The following PTPRN2 variants were observed in gnomAD, a reference collection of about 807,000 sequenced individuals.
The protein encoded by PTPRN2 is protein tyrosine phosphatase receptor type N2.
Under a neutral mutation model 118.8 loss-of-function variants are expected in PTPRN2, and 74 were observed. The observed-to-expected ratio is 0.62, with a 90% confidence interval of 0.52 to 0.76. The LOEUF (loss-of-function observed/expected upper bound fraction) is 0.76, where lower values mean the gene tolerates loss of function less well. PTPRN2 is among the 30% of genes least tolerant of loss of function. The pLI is 0.00. For synonymous variants in PTPRN2, 641 were observed against 608.0 expected, an observed-to-expected ratio of 1.05 and a Z score of -0.80; for missense variants, 1,481 against 1,394.4, an observed-to-expected ratio of 1.06 and a Z score of -0.99.
intron 12 of PTPRN2, among the ~76,000 whole-genome samples, chr7:157,875,765 CCGAGCCCCCAGGCCAGGCA>C: frequency 6.8e-6 from 1 of 148,070 alleles, no homozygotes; most frequent in African/African-American, 2.5e-5. Flanking sequence ...TCAGGAGGGG[CCGAGCCCCCAGGCCAGGCA>C]TCCCCAGGGT....
intron 2 of PTPRN2, among the ~76,000 whole-genome samples, chr7:158,331,089 GATGCCCGCAGACGTCAC>G (rs1804313887): frequency 6.8e-6 from 1 of 146,450 alleles, no homozygotes. Flanking sequence ...CATAAGAGCT[GATGCCCGCAGACGTCAC>G]TCACACCCAC....
At chr7:158,364,478 CTT>C (rs902004315) in intron 2 of PTPRN2, among the ~76,000 whole-genome samples, 2 of 152,202 alleles carry the variant, frequency 1.3e-5, no homozygotes, top group Admixed American at 6.6e-5. Context: ...AAGAATGTCT[CTT>C]TTTCTGGTTT....
rs555009704 is a variant in PTPRN2, at chr7:157,716,664, C to T, written c.1789-33727G>A. On this transcript the variant is annotated intron_variant, in intron 12 of 22. Coordinates refer to ENST00000389418, the MANE Select transcript of PTPRN2 (RefSeq NM_002847.5). ...TAGACTCTGAGGGAACACTGCCTGG[C>T]CACGTAGACTCTGCGGGAACACTGC... Among the ~76,000 whole-genome samples the T allele has an allele frequency of 7.3e-5, 5 of 68,550 alleles. 1 individual carries two copies. The highest frequency in any genetic ancestry group is 3.4e-4 in the African/African-American group (4 of 11,654). The allele number at this position is 68,550 out of a possible 152,430, so 45.0% of individuals were successfully genotyped here. A position where few individuals can be genotyped will look rare whatever the true frequency, so the allele number is the denominator to read the frequency against.
chr7:157,583,496 G>A lies in PTPRN2; in HGVS notation c.2497-5356C>T, dbSNP rs1451660127. On this transcript the variant is annotated intron_variant, in intron 17 of 22. Transcript: ENST00000389418. The surrounding 1 kb of genome is among the most constrained non-coding windows in gnomAD (Gnocchi z 5.5). ...ACACACAAAGAAACGGTAACTACGC[G>A]AGGAGACGTGTATTCATTAGCTTGA... Among the ~76,000 whole-genome samples the A allele has an allele frequency of 2.0e-5, 3 of 152,134 alleles. No homozygotes were observed.
intron 3 of PTPRN2, among the ~76,000 whole-genome samples, chr7:158,297,586 G>A (rs557312600): frequency 6.6e-6 from 1 of 152,310 alleles, no homozygotes; most frequent in Middle Eastern, 3.4e-3. Flanking sequence ...GCAGTAAGGA[G>A]GGGTCTTTCA....
intron 2 of PTPRN2, among the ~76,000 whole-genome samples, chr7:158,441,031 CAGTGGTAG>C (rs1177071415): frequency 9.3e-6 from 1 of 107,064 alleles, no homozygotes; most frequent in Non-Finnish European, 1.9e-5. Context: ...GTGGTGGTGA[CAGTGGTAG>C]TAGTGATGGT....
intron 11 of PTPRN2, among the ~76,000 whole-genome samples, chr7:158,008,379 T>C (rs1421513401): frequency 2.6e-5 from 4 of 152,218 alleles, no homozygotes; most frequent in Non-Finnish European, 5.9e-5. Context: ...CAGGGCTTTG[T>C]TTACAGAGAA....
chr7:157,662,106 G>C (rs995339687), intron 13 of PTPRN2, among the ~76,000 whole-genome samples: 1 of 152,196 alleles, frequency 6.6e-6, no homozygotes, highest in African/African-American at 2.4e-5. Flanking sequence ...TTTTGAATCT[G>C]GGCTTCAGGT....
At chr7:157,846,409 G>A (rs1808803667) in intron 12 of PTPRN2, among the ~76,000 whole-genome samples, 1 of 151,992 alleles carries the variant, frequency 6.6e-6, no homozygotes, top group Non-Finnish European at 1.5e-5. Flanking sequence ...TCCAGGAAAT[G>A]ACGCTCTAAA....
At chr7:158,287,960 A>T (rs757808140) in intron 3 of PTPRN2, among the ~76,000 whole-genome samples, 54 of 152,268 alleles carry the variant, frequency 3.5e-4, no homozygotes, top group South Asian at 1.9e-3. Context: ...TTCTTCAGAC[A>T]TATTAATATT....
At chr7:158,371,297 T>A (rs1408327970) in intron 2 of PTPRN2, among the ~76,000 whole-genome samples, 1 of 150,716 alleles carries the variant, frequency 6.6e-6, no homozygotes, top group Non-Finnish European at 1.5e-5. Context: ...AGTTATCAGA[T>A]CCTATAATAA....
intron 6 of PTPRN2, among the ~76,000 whole-genome samples, chr7:158,150,490 T>C (rs73173626): frequency 0.093 from 14,203 of 152,210 alleles, 696 homozygotes; most frequent in Non-Finnish European, 0.1. Flanking sequence ...TCCCCTGCAC[T>C]GACCTTCACT....
At position 158,258,450 on chromosome 7, in the gene PTPRN2, A is replaced by G. The variant is rs541017748; in HGVS notation, c.278-53177T>C. Among the ~76,000 whole-genome samples, 3 of 152,336 alleles carry G rather than the reference A, an allele frequency of 2.0e-5. No individual in the cohort carries two copies. In the South Asian group the frequency reaches 6.2e-4, roughly 32 times the overall value. ...TTAAATTTCTATGAATCGCCGCGAGACGACCCTGTGAGTACGCACTCCATG... is the reference window on the plus strand; with the variant it reads ...TTAAATTTCTATGAATCGCCGCGAGGCGACCCTGTGAGTACGCACTCCATG... On this transcript the variant is annotated intron_variant, in intron 3 of 22. Coordinates refer to ENST00000389418, the MANE Select transcript of PTPRN2 (RefSeq NM_002847.5).
At chr7:158,100,777 G>A (rs1242989516) in intron 10 of PTPRN2, among the ~76,000 whole-genome samples, 1 of 152,082 alleles carries the variant, frequency 6.6e-6, no homozygotes, top group Admixed American at 6.6e-5. Flanking sequence ...TGAGTTCTTT[G>A]TAGAGTCTGG....
At chr7:158,367,101 G>A (rs1384887553) in intron 2 of PTPRN2, among the ~76,000 whole-genome samples, 1 of 152,194 alleles carries the variant, frequency 6.6e-6, no homozygotes, top group Non-Finnish European at 1.5e-5. Context: ...GACAAGCTCA[G>A]GACTCGTGCC....
At chr7:158,547,213 T>C (rs958814630) in intron 1 of PTPRN2, among the ~76,000 whole-genome samples, 3 of 152,226 alleles carry the variant, frequency 2.0e-5, no homozygotes, top group Admixed American at 6.5e-5. Context: ...AGTTTTAATA[T>C]ACAATTCTGT....
intron 12 of PTPRN2, among the ~76,000 whole-genome samples, chr7:157,717,680 A>G (rs1798995040): frequency 6.6e-6 from 1 of 152,224 alleles, no homozygotes; most frequent in Admixed American, 6.5e-5. Context: ...TTCACCAGGT[A>G]TGGGCACCGG....
At chr7:158,200,483 G>A (rs1384135660) in intron 4 of PTPRN2, among the ~76,000 whole-genome samples, 1 of 152,160 alleles carries the variant, frequency 6.6e-6, no homozygotes, top group Non-Finnish European at 1.5e-5. Flanking sequence ...AGAAATTTCA[G>A]AAAGTCACAA....
chr7:158,184,565 G>A (rs770689619), intron 5 of PTPRN2, among the ~76,000 whole-genome samples: 2 of 152,174 alleles, frequency 1.3e-5, no homozygotes, highest in Non-Finnish European at 2.9e-5. Flanking sequence ...CACTGGCTAA[G>A]ATCTTCAATG....
Sources: gnomAD v4.1 joint callset for allele counts (sites outside exome capture counted in the v4.1 genomes callset) on GRCh38, gnomAD v4.1.1 for gene constraint, Gnocchi (gnomAD v3.1) non-coding constraint, MANE v1.5 for transcripts, NCBI Gene and HGNC (gene_info 2026-07-23, HGNC 2026-07-21) for gene names.